The following MDN1 variants were observed in gnomAD, a reference collection of about 807,000 sequenced individuals.
The protein encoded by MDN1 is midasin.
MDN1 carries 266 observed loss-of-function variants against 669.2 expected under a neutral mutation model. That is an observed-to-expected ratio of 0.40 (90% CI 0.36 to 0.44). MDN1 has a LOEUF of 0.44. Ranked by LOEUF, MDN1 falls within the 20% of genes least tolerant of loss-of-function variation. The pLI is 1.00. For missense variants in MDN1, 5,940 were observed against 6,754.0 expected (o/e 0.88, Z 4.22); for synonymous variants, 2,385 against 2,457.1 (o/e 0.97, Z 0.87).
intron 11 of MDN1, among the ~76,000 whole-genome samples, chr6:89,777,020 A>C (rs777515935): frequency 2.6e-5 from 4 of 152,190 alleles, no homozygotes; most frequent in Non-Finnish European, 5.9e-5. Flanking sequence ...TGGTTCAAGG[A>C]GAACTGACTC....
At chr6:89,767,520 G>A (rs1018756350) in intron 15 of MDN1, among the ~76,000 whole-genome samples, 1 of 152,184 alleles carries the variant, frequency 6.6e-6, no homozygotes, top group African/African-American at 2.4e-5. Flanking sequence ...GACTTTGGGA[G>A]GCTGAGGCAG....
rs566180001 is a variant in MDN1 at position 89,703,129 on chromosome 6, G to A, written c.8149-1068C>T. On this transcript the variant is annotated intron_variant, in intron 53 of 101. Coordinates refer to ENST00000369393, the MANE Select transcript of MDN1 (RefSeq NM_014611.3). ...GTTTTGTATTTTTAGTAGAGATGGG[G>A]TTTCACCATGTTAGCCAGCCTGGTC... Among the ~76,000 whole-genome samples, 8 of 152,062 alleles carry A rather than the reference G, an allele frequency of 5.3e-5. No homozygotes were observed. The East Asian group carries it at 1.6e-3, about 29-fold the overall frequency.
rs1248301399 is a variant in MDN1, at chr6:89,674,289, G to A, written c.13062C>T (p.Ser4354=). Residue 4354 remains serine, a synonymous_variant, in exon 79 of 102, where the codon TCC becomes TCT. Transcript: ENST00000369393. ...GTATTGGAGATGGGTAGCTCAGATT[G>A]GAAGGAATTAGGTCCAGCACTACTC... ...LCGVVLDLIP[S]NLSYPSPIPG... 6.2e-7 allele frequency: 1 copy of A among 1,614,238 alleles called. No individual in the cohort carries two copies. The highest frequency in any genetic ancestry group is 2.2e-5 in the East Asian group (1 of 44,884).
At chr6:89,722,698 T>A (rs1269857872) in intron 40 of MDN1, among the ~76,000 whole-genome samples, 3 of 151,948 alleles carry the variant, frequency 2.0e-5, no homozygotes, top group African/African-American at 7.2e-5. Context: ...ATACAAAAAA[T>A]TAGCCGGAAC....
At chr6:89,776,919 G>A (rs1243264571) in intron 11 of MDN1, among the ~76,000 whole-genome samples, 1 of 152,012 alleles carries the variant, frequency 6.6e-6, no homozygotes, top group Non-Finnish European at 1.5e-5. Flanking sequence ...TGAAATACTT[G>A]CCAAATAAAA....
At position 89,694,199 on chromosome 6, in the gene MDN1, GAAGT is replaced by G. The variant is rs1425141340; in HGVS notation, c.9772-20_9772-17del. The stretch of plus-strand genomic sequence containing the variant: ...GTTGGTGTAACTAATGGAAAAGAGA[GAAGT>G]TAGTCCACTGTGTCCCAGCTATGAC... On this transcript the variant is annotated splice_polypyrimidine_tract_variant and intron_variant, in intron 61 of 101. Transcript: ENST00000369393. 1.3e-5 allele frequency: 20 copies of G among 1,598,686 alleles called. No homozygotes were observed. Among genetic ancestry groups the G allele is most frequent in the Non-Finnish European group, 1.3e-5 (15 of 1,166,170 alleles).
intron 29 of MDN1, among the ~76,000 whole-genome samples, chr6:89,744,245 G>T (rs1816466793): frequency 6.7e-6 from 1 of 149,836 alleles, no homozygotes; most frequent in African/African-American, 2.5e-5. Context: ...CTGTTTAAAA[G>T]AACTAAATAG....
intron 63 of MDN1, among the ~76,000 whole-genome samples, chr6:89,691,305 T>C (rs1812363863): frequency 6.6e-6 from 1 of 152,230 alleles, no homozygotes; most frequent in South Asian, 2.1e-4. Context: ...CAGACACTTC[T>C]GAAATTCCCT....
At chr6:89,746,862 C>T (rs1333295437) in intron 27 of MDN1, among the ~76,000 whole-genome samples, 1 of 152,154 alleles carries the variant, frequency 6.6e-6, no homozygotes, top group African/African-American at 2.4e-5. Flanking sequence ...TATCCTATCA[C>T]AAACAGTAAC....
chr6:89,701,497 C>T (rs2128309935), intron 55 of MDN1, 61 bp downstream of exon 55: 3 of 1,590,204 alleles, frequency 1.9e-6, no homozygotes, highest in Non-Finnish European at 2.6e-6. Flanking sequence ...TCCCAAGTTC[C>T]AAAAGGACTT....
rs766752973 is a variant in MDN1, at chr6:89,707,405, T to C, written c.7970A>G (p.Lys2657Arg). ...CATTCTCAAAACACTCTCTCTTAGC[T>C]TTTTGCTACCAACAGAAACCAAATT... is the stretch of plus-strand genomic sequence containing the variant. ...EANLVSVGSK[K>R]LRESVLRMSF... The change falls in exon 52 of 102, where the codon AAG becomes AGG. Residue 2657 changes from lysine (K) to arginine (R), a missense_variant. By Grantham distance (26) the Lys-to-Arg change is conservative (BLOSUM62 2). Transcript: ENST00000369393. 3 of 1,613,824 alleles carry C rather than the reference T, an allele frequency of 1.9e-6. No individual in the cohort carries two copies. The South Asian group carries it at 3.3e-5, about 18-fold the overall frequency.
At chr6:89,798,658 T>C (rs1292132532) in intron 2 of MDN1, among the ~76,000 whole-genome samples, 1 of 152,230 alleles carries the variant, frequency 6.6e-6, no homozygotes, top group African/African-American at 2.4e-5. Context: ...TACAATTGAC[T>C]GTAGTGATGA....
intron 8 of MDN1, among the ~76,000 whole-genome samples, chr6:89,787,184 A>G (rs1292150574): frequency 6.6e-6 from 1 of 152,188 alleles, no homozygotes; most frequent in African/African-American, 2.4e-5. Flanking sequence ...AAACACTAAT[A>G]TAATCATTAA....
At chr6:89,707,977 T>C (rs888736619) in intron 51 of MDN1, among the ~76,000 whole-genome samples, 1 of 151,780 alleles carries the variant, frequency 6.6e-6, no homozygotes, top group African/African-American at 2.4e-5. Context: ...TAAAAACAAG[T>C]AGGTGAAAAT....
intron 20 of MDN1, 64 bp downstream of exon 20, chr6:89,756,213 G>T: frequency 1.4e-6 from 1 of 710,946 alleles, no homozygotes; most frequent in Non-Finnish European, 2.3e-6. Flanking sequence ...TTGTGTGTGT[G>T]CACGAGTAGC....
Position 89,695,231 on chromosome 6 carries a change from CA to C in MDN1, c.9771+373del. Among the ~76,000 whole-genome samples the C allele has an allele frequency of 6.6e-6, 1 of 152,262 alleles. No individual in the cohort carries two copies. Among genetic ancestry groups the C allele is most frequent in the East Asian group, 1.9e-4 (1 of 5,168 alleles). Reference sequence around the variant, plus strand: ...TGGACGAGAAAGCAAGGCTCCATCTCAAAAACAAACAAACAAACAAAAACCC... The same window carrying C: ...TGGACGAGAAAGCAAGGCTCCATCTCAAAACAAACAAACAAACAAAAACCC... On this transcript the variant is annotated intron_variant, in intron 61 of 101. Transcript: ENST00000369393. This position sits in a 1 kb window ranked among gnomAD's most constrained non-coding sequence, Gnocchi z 4.1.
intron 1 of MDN1, among the ~76,000 whole-genome samples, chr6:89,807,949 G>A (rs920036526): frequency 5.3e-5 from 8 of 151,554 alleles, no homozygotes; most frequent in African/African-American, 1.5e-4. Context: ...TTATGTTTCC[G>A]AAACTTCAAG....
At chr6:89,666,314 G>T (rs950412092) in intron 84 of MDN1, among the ~76,000 whole-genome samples, 1 of 152,152 alleles carries the variant, frequency 6.6e-6, no homozygotes, top group African/African-American at 2.4e-5. Context: ...TGTCCAGGCT[G>T]TAGTGCAATG....
intron 40 of MDN1, among the ~76,000 whole-genome samples, chr6:89,721,845 G>C (rs1366729759): frequency 6.6e-6 from 1 of 152,226 alleles, no homozygotes; most frequent in African/African-American, 2.4e-5. Flanking sequence ...GTAGCAGAAT[G>C]AAAGGGCTGT....
Sources: gnomAD v4.1 joint callset for allele counts (sites outside exome capture counted in the v4.1 genomes callset) on GRCh38, gnomAD v4.1.1 for gene constraint, Gnocchi (gnomAD v3.1) non-coding constraint, MANE v1.5 for transcripts, NCBI Gene and HGNC (gene_info 2026-07-23, HGNC 2026-07-21) for gene names.